ESYT2: variants seen among roughly 807,000 people sequenced by gnomAD.
ESYT2 encodes the protein extended synaptotagmin 2, also known as extended synaptotagmin-2.
A neutral mutation model predicts 107.2 loss-of-function variants in ESYT2; 54 were observed. That is an observed-to-expected ratio of 0.50 (90% confidence interval 0.40 to 0.63). The LOEUF (loss-of-function observed/expected upper bound fraction) is 0.63, where lower values mean the gene tolerates loss of function less well. Among genes scored for constraint, ESYT2 ranks in the 30% least tolerant of loss-of-function variants. ESYT2 has a pLI of 0.00. For synonymous variants in ESYT2, 491 were observed against 434.1 expected, an observed-to-expected ratio of 1.13 and a Z score of -1.63; for missense variants, 1,020 against 1,094.5, an observed-to-expected ratio of 0.93 and a Z score of 0.96.
chr7:158,809,115 TC>T (rs1329036293), intron 1 of ESYT2, among the ~76,000 whole-genome samples: 1 of 151,952 alleles, frequency 6.6e-6, no homozygotes, highest in Non-Finnish European at 1.5e-5. Context: ...TTGGAAAATA[TC>T]CCCCACAGAT....
At chr7:158,782,385 G>GGGGAGT (rs1554586899) in intron 6 of ESYT2, among the ~76,000 whole-genome samples, 1 of 86,630 alleles carries the variant, frequency 1.2e-5, no homozygotes, top group African/African-American at 3.5e-5. Context: ...AACAAAGTGA[G>GGGGAGT]GTAAGAACGA....
At chr7:158,778,767 T>C (rs1012091251) in intron 6 of ESYT2, among the ~76,000 whole-genome samples, 1 of 151,844 alleles carries the variant, frequency 6.6e-6, no homozygotes, top group African/African-American at 2.4e-5. Flanking sequence ...TTGCAGTTGA[T>C]GCAAAAAACC....
In ESYT2 at chr7:158,798,646, CAAAAAAAAAA is replaced by C. The variant is rs57351086; in HGVS notation, c.372+375_372+384del. Among the ~76,000 whole-genome samples the C allele has an allele frequency of 8.3e-3, 416 of 49,862 alleles. 3 individuals are homozygous for C. Among genetic ancestry groups the C allele is most frequent in the African/African-American group, 0.033 (376 of 11,324 alleles). The allele number at this position is 49,862 out of a possible 152,430, so 32.7% of individuals were successfully genotyped here. ...GGGCAACAAGAGTGAAGCTCCGTCT[CAAAAAAAAAA>C]AAAAAAAAAAAAAAAAAAGACTGTT... is the stretch of plus-strand genomic sequence containing the variant. On this transcript the variant is annotated intron_variant, in intron 2 of 22. Coordinates refer to ENST00000275418, the MANE Select transcript of ESYT2 (RefSeq NM_001367773.1).
At chr7:158,777,526 T>A (rs1584831717) in intron 6 of ESYT2, among the ~76,000 whole-genome samples, 1 of 152,216 alleles carries the variant, frequency 6.6e-6, no homozygotes, top group African/African-American at 2.4e-5. Context: ...AAAGTGGCTG[T>A]TTCTCCTGGA....
At chr7:158,827,413 T>A (rs999723473) in intron 1 of ESYT2, 1 of 152,120 alleles carries the variant, frequency 6.6e-6, no homozygotes, top group African/African-American at 2.4e-5. Flanking sequence ...CACTTTAAAG[T>A]CCTTTTCCAT....
chr7:158,748,213 C>T lies in ESYT2; in HGVS notation c.1625G>A (p.Arg542His), dbSNP rs755282073. 4.2e-5 allele frequency: 68 copies of T among 1,613,968 alleles called. 1 individual carries two copies. The highest frequency in any genetic ancestry group is 2.0e-4 in the South Asian group (18 of 91,088). The change falls in exon 16 of 23, where the codon CGC becomes CAC. Residue 542 changes from arginine (R) to histidine (H), a missense_variant. Physicochemically the swap from Arg to His is conservative, Grantham distance 29. Transcript: ENST00000275418. ...NFTFFIHNPK[R>H]QDLEVEVRDE... The stretch of plus-strand genomic sequence containing the variant: ...AAATACCTCAACTTCAAGGTCCTGG[C>T]GCTTGGGATTGTGAATGAAGAAAGT...
chr7:158,745,495 C>T (rs1837369882), intron 16 of ESYT2, among the ~76,000 whole-genome samples: 1 of 152,190 alleles, frequency 6.6e-6, no homozygotes, highest in Non-Finnish European at 1.5e-5. Context: ...TGCCACCAAC[C>T]ACCCTGACCT....
Position 158,734,141 on chromosome 7 carries a change from T to C in ESYT2, c.*66A>G, listed in dbSNP as rs1221683822. 3 of 1,523,778 alleles carry C rather than the reference T, an allele frequency of 2.0e-6. No homozygotes were observed. In the Middle Eastern group the frequency reaches 5.2e-4, roughly 263 times the overall value. The allele number at this position is 1,523,778 out of a possible 1,614,324, so 94.4% of individuals were successfully genotyped here. On this transcript the variant is annotated 3_prime_UTR_variant, in exon 23 of 23. Transcript: ENST00000275418. ...TATAAAAATAACATTGGTACGTCTG[T>C]GAGAGGGTGTGTTCCGGGTAGAGGT...
chr7:158,792,837 C>T (rs1839346274), intron 4 of ESYT2, among the ~76,000 whole-genome samples: 1 of 139,866 alleles, frequency 7.1e-6, no homozygotes, highest in Non-Finnish European at 1.5e-5. Context: ...GGCATGATCT[C>T]GGCTCACTGC....
Position 158,734,016 on chromosome 7 carries a change from A to G in ESYT2, c.*191T>C. The stretch of plus-strand genomic sequence containing the variant: ...AGGAACTGGCGAAATCCTAGAGGAA[A>G]TCCAACACAGAAAATTCAATGATAA... On this transcript the variant is annotated 3_prime_UTR_variant, in exon 23 of 23. Transcript: ENST00000275418. The G allele has an allele frequency of 3.1e-6, 2 of 652,502 alleles. No individual in the cohort carries two copies. Among genetic ancestry groups the G allele is most frequent in the East Asian group, 6.1e-5 (2 of 33,022 alleles). The allele number at this position is 652,502 out of a possible 1,614,324, so 40.4% of individuals were successfully genotyped here.
chr7:158,773,839 G>A (rs1838458558), intron 6 of ESYT2, among the ~76,000 whole-genome samples: 1 of 152,120 alleles, frequency 6.6e-6, no homozygotes, highest in Admixed American at 6.6e-5. Context: ...CAAAAATACT[G>A]TATCCATTTA....
At chr7:158,770,288 ACAT>A (rs1375603775) in intron 7 of ESYT2, among the ~76,000 whole-genome samples, 10 of 149,622 alleles carry the variant, frequency 6.7e-5, no homozygotes, top group Admixed American at 6.2e-4. Flanking sequence ...AATTTTACGT[ACAT>A]ATCTATTAAA....
At chr7:158,792,595 C>G (rs1051949306) in intron 4 of ESYT2, among the ~76,000 whole-genome samples, 1 of 150,326 alleles carries the variant, frequency 6.7e-6, no homozygotes, top group Non-Finnish European at 1.5e-5. Context: ...TATATAATGT[C>G]TTTCTTCCTT....
chr7:158,760,132 C>A lies in ESYT2; in HGVS notation c.1249G>T (p.Glu417Ter), dbSNP rs1171212154. 2 of 1,614,164 alleles carry A rather than the reference C, an allele frequency of 1.2e-6. No homozygotes were observed. The highest frequency in any genetic ancestry group is 2.2e-5 in the East Asian group (1 of 44,890). ...AAGTGTAGCTTCCCCTTGGGAACCT[C>A]GTCCAGAGTGAACCACTGAAGAGAA... Reference protein sequence around the residue: ...RLLDEWFTLDEVPKGKLHLRL... With the variant: ...RLLDEWFTLD Residue 417 changes from glutamate (E) to a stop codon, truncating the protein, a stop_gained, in exon 12 of 23, where the codon GAG becomes TAG. Coordinates refer to ENST00000275418, the MANE Select transcript of ESYT2 (RefSeq NM_001367773.1). LOFTEE classifies it high-confidence loss of function.
In ESYT2 at chr7:158,829,241, A is replaced by C. The variant is rs373094095; in HGVS notation, c.178T>G (p.Phe60Val). 121 of 1,528,468 alleles carry C rather than the reference A, an allele frequency of 7.9e-5. No homozygotes were observed. Among genetic ancestry groups the C allele is most frequent in the Non-Finnish European group, 1.0e-4 (118 of 1,146,024 alleles). The allele number at this position is 1,528,468 out of a possible 1,614,324, so 94.7% of individuals were successfully genotyped here. A position where few individuals can be genotyped will look rare whatever the true frequency, so the allele number is the denominator to read the frequency against. ...VYALGYLGLS[F>V]SWVLLALALL... ...GCGAGCGCGAGGAGAACCCAGCTGA[A>C]GCTGAGCCCCAGGTAGCCCAGCGCG... is the stretch of plus-strand genomic sequence containing the variant. The change falls in exon 1 of 23, where the codon TTC becomes GTC. Residue 60 changes from phenylalanine (F) to valine (V), a missense_variant. Coordinates refer to ENST00000275418, the MANE Select transcript of ESYT2 (RefSeq NM_001367773.1).
chr7:158,747,958 G>A (rs977255281), intron 16 of ESYT2, among the ~76,000 whole-genome samples: 3 of 152,146 alleles, frequency 2.0e-5, no homozygotes, highest in African/African-American at 4.8e-5. Context: ...AGGACATACC[G>A]CATAATTCTA....
rs1837896616 is a variant in ESYT2, at chr7:158,759,761, T to C, written c.1324-180A>G. Among the ~76,000 whole-genome samples the C allele has an allele frequency of 2.0e-5, 3 of 152,212 alleles. 1 individual carries two copies. The South Asian group carries it at 6.2e-4, about 32-fold the overall frequency. ...TTTAAATAACAAGACTACTATTCCA[T>C]ATATAAGTCAATTAAATGAAGCACT... On this transcript the variant is annotated intron_variant, in intron 12 of 22. Transcript: ENST00000275418.
intron 1 of ESYT2, among the ~76,000 whole-genome samples, chr7:158,807,273 G>A (rs1047972668): frequency 0.02 from 1,643 of 80,518 alleles, 30 homozygotes; most frequent in African/African-American, 0.061. Context: ...AAAAAAAAAA[G>A]AATTACAGAA....
intron 18 of ESYT2, among the ~76,000 whole-genome samples, chr7:158,741,068 T>A (rs573454816): frequency 6.6e-5 from 10 of 152,048 alleles, no homozygotes; most frequent in Middle Eastern, 3.2e-3. Flanking sequence ...AACACAGACA[T>A]CCGAAGACAA....
Sources: gnomAD v4.1 joint callset for allele counts (sites outside exome capture counted in the v4.1 genomes callset) on GRCh38, gnomAD v4.1.1 for gene constraint, MANE v1.5 for transcripts, NCBI Gene and HGNC (gene_info 2026-07-23, HGNC 2026-07-21) for gene names.